The following ANAPC10 variants were observed in gnomAD, a reference collection of about 807,000 sequenced individuals.
The protein encoded by ANAPC10 is anaphase-promoting complex subunit 10.
In ANAPC10, 12 loss-of-function variants were observed where a neutral mutation model predicts 22.0. The observed-to-expected ratio is 0.55, with a 90% CI of 0.35 to 0.88. ANAPC10 has a LOEUF of 0.88. ANAPC10 is among the 40% of genes least tolerant of loss of function. The pLI is 0.01. For synonymous variants in ANAPC10, 65 were observed against 69.5 expected (o/e 0.94, Z 0.32); for missense variants, 188 against 220.9 (o/e 0.85, Z 0.94).
At chr4:145,081,390 A>G (rs990789785) in intron 3 of ANAPC10, among the ~76,000 whole-genome samples, 1 of 152,142 alleles carries the variant, frequency 6.6e-6, no homozygotes, top group Admixed American at 6.5e-5. Context: ...AGTACCCGCA[A>G]AAAATAAATT....
At chr4:145,003,741 A>G (rs1294638352) in intron 4 of ANAPC10, among the ~76,000 whole-genome samples, 1 of 152,042 alleles carries the variant, frequency 6.6e-6, no homozygotes, top group East Asian at 1.9e-4. Context: ...TTGTTAATGT[A>G]GCCTTATACT....
intron 4 of ANAPC10, among the ~76,000 whole-genome samples, chr4:145,042,802 G>A (rs563807537): frequency 1.2e-3 from 184 of 151,952 alleles, no homozygotes; most frequent in African/African-American, 4.1e-3. Context: ...CCCAGCAGGC[G>A]GTTTTCTGTT....
At chr4:144,999,037 AC>A (rs1378910475) in intron 4 of ANAPC10, among the ~76,000 whole-genome samples, 2 of 152,234 alleles carry the variant, frequency 1.3e-5, no homozygotes, top group Non-Finnish European at 2.9e-5. Flanking sequence ...AAATTCCTGG[AC>A]AAATACACCC....
At chr4:145,051,451 G>A (rs765575474) in intron 4 of ANAPC10, among the ~76,000 whole-genome samples, 1 of 152,034 alleles carries the variant, frequency 6.6e-6, no homozygotes, top group Non-Finnish European at 1.5e-5. Context: ...ATAGAAACAG[G>A]AATTGAGCAC....
intron 3 of ANAPC10, among the ~76,000 whole-genome samples, chr4:145,068,121 C>A (rs1294346273): frequency 1.3e-5 from 2 of 152,220 alleles, no homozygotes; most frequent in Non-Finnish European, 2.9e-5. Flanking sequence ...TGCCATACCA[C>A]TCCTGGACTG....
chr4:145,080,113 C>CCA (rs1745766024), intron 3 of ANAPC10, among the ~76,000 whole-genome samples: 1 of 26,790 alleles, frequency 3.7e-5, no homozygotes, highest in African/African-American at 1.8e-4. Context: ...GACTCTGTCT[C>CCA]AAAAAAAAAA....
chr4:145,080,131 A>AC (rs1216295463), intron 3 of ANAPC10, among the ~76,000 whole-genome samples: 2 of 150,528 alleles, frequency 1.3e-5, no homozygotes, highest in Non-Finnish European at 3.0e-5. Context: ...AAAAAAAAAA[A>AC]AAAAAAACAC....
At position 144,994,706 on chromosome 4, in the gene ANAPC10, A is replaced by G. The variant is rs1021757551; in HGVS notation, c.*667T>C. The G allele has an allele frequency of 3.3e-5, 5 of 152,072 alleles. No homozygotes were observed. The highest frequency in any genetic ancestry group is 1.2e-4 in the African/African-American group (5 of 41,436). The allele number at this position is 152,072 out of a possible 1,614,324, so 9.4% of individuals were successfully genotyped here. A position where few individuals can be genotyped will look rare whatever the true frequency, so the allele number is the denominator to read the frequency against. Reference sequence around the variant, plus strand: ...AAATAACTCTTCCATAAGTACTGCTAGAACTCTTCCATAAGTACTGCTAGA... The same window carrying G: ...AAATAACTCTTCCATAAGTACTGCTGGAACTCTTCCATAAGTACTGCTAGA... On this transcript the variant is annotated 3_prime_UTR_variant, in exon 5 of 5. Coordinates refer to ENST00000507656, the MANE Select transcript of ANAPC10 (RefSeq NM_001256706.2).
intron 4 of ANAPC10, among the ~76,000 whole-genome samples, chr4:145,020,629 G>A (rs1053144846): frequency 6.6e-5 from 10 of 152,062 alleles, no homozygotes; most frequent in African/African-American, 2.4e-4. Context: ...TCAGTAAAGA[G>A]GAAGTCAAAC....
chr4:145,085,903 G>A (rs866795939), intron 2 of ANAPC10, among the ~76,000 whole-genome samples: 26 of 146,340 alleles, frequency 1.8e-4, no homozygotes, highest in Non-Finnish European at 2.8e-4. Flanking sequence ...TCACTTTGCC[G>A]CCCAGGCTGC....
intron 4 of ANAPC10, among the ~76,000 whole-genome samples, chr4:145,010,638 A>G (rs1000856303): frequency 6.6e-6 from 1 of 152,060 alleles, no homozygotes; most frequent in African/African-American, 2.4e-5. Context: ...ACACTTGGAC[A>G]CAGGGTGGGG....
chr4:144,996,252 G>A (rs543214102), intron 4 of ANAPC10, among the ~76,000 whole-genome samples: 1 of 152,164 alleles, frequency 6.6e-6, no homozygotes. Context: ...CTACCAACTA[G>A]GGCCTTGGGC....
At chr4:145,056,532 C>G (rs1490640933) in intron 4 of ANAPC10, among the ~76,000 whole-genome samples, 1 of 152,140 alleles carries the variant, frequency 6.6e-6, no homozygotes, top group Non-Finnish European at 1.5e-5. Flanking sequence ...CCCTCTTGCG[C>G]AAGATATAAG....
intron 4 of ANAPC10, among the ~76,000 whole-genome samples, chr4:145,024,485 A>G (rs1736383752): frequency 6.6e-6 from 1 of 152,220 alleles, no homozygotes; most frequent in Non-Finnish European, 1.5e-5. Flanking sequence ...TGCAGAACAG[A>G]TGTTGTATCA....
intron 4 of ANAPC10, among the ~76,000 whole-genome samples, chr4:145,052,903 A>AAG (rs1246376255): frequency 6.6e-6 from 1 of 151,674 alleles, no homozygotes; most frequent in African/African-American, 2.4e-5. Flanking sequence ...AAAAAAAAAA[A>AAG]GGGATACTCA....
chr4:145,038,460 C>T (rs1005340999), intron 4 of ANAPC10, among the ~76,000 whole-genome samples: 6 of 152,090 alleles, frequency 3.9e-5, no homozygotes, highest in Admixed American at 2.6e-4. Context: ...TTGCAGAGTG[C>T]CGAGATGGTG....
intron 3 of ANAPC10, among the ~76,000 whole-genome samples, chr4:145,079,880 G>GA (rs1560921653): frequency 6.6e-6 from 1 of 152,048 alleles, no homozygotes; most frequent in African/African-American, 2.4e-5. Context: ...TTGGGAGGCC[G>GA]AGGCGGCTAG....
chr4:145,088,402 A>G (rs550211429), intron 2 of ANAPC10, among the ~76,000 whole-genome samples: 5 of 152,326 alleles, frequency 3.3e-5, no homozygotes, highest in Admixed American at 1.3e-4. Context: ...CTAGAAAAAT[A>G]GGCATTGCAA....
intron 4 of ANAPC10, among the ~76,000 whole-genome samples, chr4:145,023,507 G>A (rs1736249747): frequency 6.6e-6 from 1 of 152,014 alleles, no homozygotes; most frequent in Non-Finnish European, 1.5e-5. Context: ...GTTTCAAACT[G>A]AACCCTCAAA....
Sources: allele counts gnomAD v4.1 joint callset (sites outside exome capture counted in the v4.1 genomes callset), GRCh38; gene constraint gnomAD v4.1.1; transcripts MANE v1.5; gene names NCBI Gene and HGNC (gene_info 2026-07-23, HGNC 2026-07-21).